Variants in SLC9A3 observed in about 807,000 individuals in gnomAD.
SLC9A3 encodes solute carrier family 9 member A3.
A neutral mutation model predicts 86.8 loss-of-function variants in SLC9A3; 37 were observed. The ratio of observed to expected loss-of-function variants is 0.43; its 90% CI spans 0.33 to 0.56. The LOEUF is 0.56. Among genes scored for constraint, SLC9A3 ranks in the 20% least tolerant of loss-of-function variants. The pLI, the probability that SLC9A3 is intolerant of heterozygous loss-of-function variation, is 0.06. For missense variants in SLC9A3, 1,011 were observed against 1,171.9 expected, an observed-to-expected ratio of 0.86 and a Z score of 2.00; for synonymous variants, 581 against 528.3, an observed-to-expected ratio of 1.10 and a Z score of -1.37.
intron 1 of SLC9A3, among the ~76,000 whole-genome samples, chr5:510,208 G>A (rs189064214): frequency 8.3e-4 from 127 of 152,368 alleles, no homozygotes; most frequent in African/African-American, 2.7e-3. Flanking sequence ...CAAGAGCAGC[G>A]ACAGAGACCA....
chr5:477,747 A>T (rs1407506064), intron 10 of SLC9A3: 1 of 330,726 alleles, frequency 3.0e-6, no homozygotes, highest in Non-Finnish European at 5.6e-6. Context: ...GGGACTTGGG[A>T]TGTGTCTGGG....
intron 11 of SLC9A3, among the ~76,000 whole-genome samples, chr5:476,952 T>A (rs147863810): frequency 1.3e-4 from 20 of 152,320 alleles, no homozygotes; most frequent in Non-Finnish European, 2.4e-4. Context: ...GCTGTAAGAC[T>A]CGGGGACCCC....
chr5:475,492 A>G, intron 15 of SLC9A3, 69 bp downstream of exon 15: 1 of 913,828 alleles, frequency 1.1e-6, no homozygotes, highest in Non-Finnish European at 1.7e-6. Context: ...TGGTCCAATG[A>G]CCGAGCTCCC....
intron 14 of SLC9A3, 77 bp downstream of exon 14, chr5:475,943 G>T: frequency 7.8e-7 from 1 of 1,283,788 alleles, no homozygotes; most frequent in Non-Finnish European, 1.1e-6. Flanking sequence ...TGAGAGGGGA[G>T]GTTCCCGAGC....
chr5:508,688 G>T (rs373387395), intron 1 of SLC9A3, among the ~76,000 whole-genome samples: 1 of 151,824 alleles, frequency 6.6e-6, no homozygotes, highest in Non-Finnish European at 1.5e-5. Flanking sequence ...GCAGGGAGAC[G>T]CAGGCCTCAG....
At position 472,907 on chromosome 5, in the gene SLC9A3, G is replaced by A. The variant is rs1034711378; in HGVS notation, c.*472C>T. On this transcript the variant is annotated 3_prime_UTR_variant, in exon 17 of 17. Coordinates refer to ENST00000264938, the MANE Select transcript of SLC9A3 (RefSeq NM_004174.4). ...GGGCGAGCCTCGGTTTCCCGGCAGC[G>A]GTGGGAAAGGGCGCGAGCGGCCAGC... 7.5e-6 allele frequency: 4 copies of A among 532,802 alleles called. No individual in the cohort carries two copies. Among genetic ancestry groups the A allele is most frequent in the African/African-American group, 4.2e-5 (2 of 47,824 alleles). The allele number at this position is 532,802 out of a possible 1,614,324, so 33.0% of individuals were successfully genotyped here.
chr5:483,084 T>C (rs1739292639), intron 6 of SLC9A3, among the ~76,000 whole-genome samples, 178 bp downstream of exon 6: 1 of 151,958 alleles, frequency 6.6e-6, no homozygotes, highest in Non-Finnish European at 1.5e-5. Context: ...CCAAGTGGTT[T>C]CCCTTGGGGT....
intron 1 of SLC9A3, among the ~76,000 whole-genome samples, chr5:507,583 C>T (rs1361425523): frequency 6.6e-6 from 1 of 151,794 alleles, no homozygotes; most frequent in East Asian, 1.9e-4. Context: ...TCCAAAGACA[C>T]TGGCACCCCA....
intron 1 of SLC9A3, among the ~76,000 whole-genome samples, chr5:509,260 G>C (rs939015168): frequency 6.6e-6 from 1 of 152,104 alleles, no homozygotes; most frequent in Non-Finnish European, 1.5e-5. Context: ...GACCAGCCTG[G>C]GCAGCATGGT....
intron 10 of SLC9A3, chr5:479,028 C>G (rs1738970341): frequency 6.5e-6 from 1 of 153,604 alleles, no homozygotes; most frequent in Admixed American, 6.5e-5. Context: ...CCCACTGGCC[C>G]TCTGTGTGAG....
intron 1 of SLC9A3, among the ~76,000 whole-genome samples, chr5:493,916 C>A (rs554058913): frequency 6.6e-6 from 1 of 152,196 alleles, no homozygotes; most frequent in Non-Finnish European, 1.5e-5. Context: ...TGGAACCACG[C>A]GACAGTGATA....
intron 1 of SLC9A3, among the ~76,000 whole-genome samples, chr5:510,393 G>T (rs530866100): frequency 6.6e-6 from 1 of 152,342 alleles, no homozygotes; most frequent in South Asian, 2.1e-4. Flanking sequence ...GGAGACAGGG[G>T]CCAGCACAGT....
intron 1 of SLC9A3, among the ~76,000 whole-genome samples, chr5:521,670 G>A (rs185424154): frequency 1.3e-5 from 2 of 152,302 alleles, no homozygotes; most frequent in Admixed American, 6.5e-5. Context: ...CCCAGTCCGG[G>A]GGCTGTGGGC....
chr5:510,025 G>A (rs568342894), intron 1 of SLC9A3, among the ~76,000 whole-genome samples: 191 of 152,330 alleles, frequency 1.3e-3, no homozygotes, highest in African/African-American at 4.0e-3. Context: ...GGGCTCCAAC[G>A]ATGTGGAGGA....
At chr5:493,673 G>C (rs556480146) in intron 1 of SLC9A3, among the ~76,000 whole-genome samples, 1 of 152,350 alleles carries the variant, frequency 6.6e-6, no homozygotes, top group South Asian at 2.1e-4. Flanking sequence ...CCTGTCCCCA[G>C]GACAGCGGCT....
At chr5:510,555 A>G (rs995066843) in intron 1 of SLC9A3, among the ~76,000 whole-genome samples, 4 of 152,210 alleles carry the variant, frequency 2.6e-5, no homozygotes, top group African/African-American at 9.7e-5. Context: ...CAAAGCTAAC[A>G]GAGGAAAAGA....
At chr5:519,635 G>A (rs891644225) in intron 1 of SLC9A3, among the ~76,000 whole-genome samples, 6 of 152,148 alleles carry the variant, frequency 3.9e-5, no homozygotes, top group Admixed American at 2.0e-4. Flanking sequence ...GGGTGAGGAC[G>A]ACCTCCTGCA....
Position 476,293 on chromosome 5 carries a change from T to C in SLC9A3, c.1976A>G (p.Lys659Arg). ...GGTCGACTTGAAGGACTCCAGGCGC[T>C]TCCGCATGGTCCTGTGGAAGATTTC... ...DREIFHRTMRKRLESFKSTKL... is the reference protein window; with the variant it reads ...DREIFHRTMRRRLESFKSTKL... The change falls in exon 13 of 17, where the codon AAG (lysine) becomes AGG (arginine). Residue 659 changes from lysine to arginine, a missense_variant. Transcript: ENST00000264938. The C allele has an allele frequency of 6.2e-7, 1 of 1,613,984 alleles. No individual in the cohort carries two copies. Among genetic ancestry groups the C allele is most frequent in the Non-Finnish European group, 8.5e-7 (1 of 1,179,994 alleles).
Position 472,508 on chromosome 5 carries a change from C to CG in SLC9A3, c.*870dup, listed in dbSNP as rs1463965580. 1 of 335,750 alleles carries CG rather than the reference C, an allele frequency of 3.0e-6. No homozygotes were observed. The highest frequency in any genetic ancestry group is 2.3e-5 in the African/African-American group (1 of 44,170). 20.8% of individuals were successfully genotyped at this position (335,750 alleles called of 1,614,324 possible). A position where few individuals can be genotyped will look rare whatever the true frequency, so the allele number is the denominator to read the frequency against. ...CCCCGGGCGACCTCCGCGCCAGGTG[C>CG]GACAGCTCAGGCCGGAGACCTCGTC... On this transcript the variant is annotated 3_prime_UTR_variant, in exon 17 of 17. Transcript: ENST00000264938.
Sources: gnomAD v4.1 joint callset for allele counts (sites outside exome capture counted in the v4.1 genomes callset) on GRCh38, gnomAD v4.1.1 for gene constraint, MANE v1.5 for transcripts, NCBI Gene and HGNC (gene_info 2026-07-23, HGNC 2026-07-21) for gene names.